The following PTPN13 variants were observed in gnomAD, a reference collection of about 807,000 sequenced individuals.
PTPN13 encodes protein tyrosine phosphatase non-receptor type 13, also known as tyrosine-protein phosphatase non-receptor type 13.
Under a neutral mutation model 284.0 loss-of-function variants are expected in PTPN13, and 191 were observed. The observed-to-expected ratio is 0.67, with a 90% CI of 0.60 to 0.76. PTPN13 has a LOEUF of 0.76. Ranked by LOEUF, PTPN13 falls within the 30% of genes least tolerant of loss-of-function variation. The pLI, the probability that PTPN13 is intolerant of heterozygous loss-of-function variation, is 0.00. For missense variants in PTPN13, 2,797 were observed against 2,939.9 expected (o/e 0.95, Z 1.12); for synonymous variants, 986 against 1,022.3 (o/e 0.96, Z 0.68).
chr4:86,688,807 G>A (rs1398566272), intron 4 of PTPN13, among the ~76,000 whole-genome samples, 198 bp from the exon 5 acceptor site: 2 of 152,092 alleles, frequency 1.3e-5, no homozygotes, highest in East Asian at 1.9e-4. Context: ...GGAAGTATAA[G>A]TTAACTATCT....
chr4:86,779,129 T>C (rs941097209), intron 35 of PTPN13, among the ~76,000 whole-genome samples: 2 of 151,590 alleles, frequency 1.3e-5, no homozygotes, highest in Non-Finnish European at 2.9e-5. Flanking sequence ...TGAATTTTAA[T>C]AGGGTACATG....
chr4:86,636,629 C>T (rs542086021), intron 2 of PTPN13, among the ~76,000 whole-genome samples: 9 of 151,960 alleles, frequency 5.9e-5, no homozygotes, highest in Admixed American at 3.3e-4. Context: ...TTGAAACCAA[C>T]GAGAACAAAG....
intron 35 of PTPN13, among the ~76,000 whole-genome samples, chr4:86,776,550 A>T (rs1740668261): frequency 6.6e-6 from 1 of 152,186 alleles, no homozygotes; most frequent in Admixed American, 6.5e-5. Context: ...ATAAGAATAT[A>T]CAGATGCTCC....
chr4:86,677,476 A>G (rs898618083), intron 3 of PTPN13, among the ~76,000 whole-genome samples: 15 of 151,440 alleles, frequency 9.9e-5, no homozygotes, highest in Middle Eastern at 3.4e-3. Flanking sequence ...CACCACACCC[A>G]GCTAAGTTTT....
chr4:86,633,508 C>T (rs1322050929), intron 1 of PTPN13, among the ~76,000 whole-genome samples: 1 of 152,214 alleles, frequency 6.6e-6, no homozygotes, highest in African/African-American at 2.4e-5. Flanking sequence ...CACCTTTCCA[C>T]ATCCCTCCCA....
At chr4:86,705,555 CTA>C (rs1731665095) in intron 7 of PTPN13, among the ~76,000 whole-genome samples, 3 of 152,052 alleles carry the variant, frequency 2.0e-5, no homozygotes. Context: ...CTTTCTTAAA[CTA>C]TTTGTGTTTT....
At chr4:86,803,100 GTGTA>G (rs1379815179) in intron 42 of PTPN13, among the ~76,000 whole-genome samples, 3 of 150,732 alleles carry the variant, frequency 2.0e-5, no homozygotes, top group African/African-American at 7.3e-5. Flanking sequence ...GTGTGTGTGT[GTGTA>G]TAAAATAAAA....
intron 23 of PTPN13, among the ~76,000 whole-genome samples, chr4:86,760,838 T>C (rs1404837336): frequency 6.6e-6 from 1 of 152,084 alleles, no homozygotes; most frequent in Non-Finnish European, 1.5e-5. Context: ...TATGTAACTA[T>C]TCTGTAGTGT....
intron 40 of PTPN13, among the ~76,000 whole-genome samples, chr4:86,794,875 T>C (rs1743140445): frequency 6.6e-6 from 1 of 152,166 alleles, no homozygotes; most frequent in South Asian, 2.1e-4. Flanking sequence ...ATCCCTTGCT[T>C]ATGCCGTATA....
intron 16 of PTPN13, among the ~76,000 whole-genome samples, chr4:86,742,043 T>C (rs1439232492): frequency 6.6e-6 from 1 of 152,350 alleles, no homozygotes; most frequent in East Asian, 1.9e-4. Context: ...TGGCTGGTTA[T>C]ATGCTCAATT....
At chr4:86,636,130 C>T (rs1203562166) in intron 2 of PTPN13, among the ~76,000 whole-genome samples, 1 of 151,970 alleles carries the variant, frequency 6.6e-6, no homozygotes, top group East Asian at 1.9e-4. Context: ...GGAAGGCTCT[C>T]CTACACAAGC....
intron 2 of PTPN13, among the ~76,000 whole-genome samples, chr4:86,669,651 G>A (rs1416819081): frequency 1.3e-5 from 2 of 152,062 alleles, no homozygotes; most frequent in Non-Finnish European, 2.9e-5. Context: ...GCTGAGGAGG[G>A]GAGAGGGTCA....
chr4:86,597,702 T>C (rs1275115127), intron 1 of PTPN13, among the ~76,000 whole-genome samples: 1 of 152,202 alleles, frequency 6.6e-6, no homozygotes, highest in African/African-American at 2.4e-5. Flanking sequence ...CCAACCCTGT[T>C]CCCAAGAATG....
At chr4:86,785,112 A>G (rs2077444223) in intron 38 of PTPN13, 119 bp from the exon 39 acceptor site, 5 of 704,140 alleles carry the variant, frequency 7.1e-6, no homozygotes, top group African/African-American at 5.6e-5. Flanking sequence ...AGTCATTGCT[A>G]CTTTTAAAAT....
Position 86,717,035 on chromosome 4 carries a change from G to A in PTPN13, c.1303G>A (p.Glu435Lys), listed in dbSNP as rs975968279. The change falls in exon 9 of 48, where the codon GAA (glutamate) becomes AAA (lysine). Residue 435 changes from glutamate (E) to lysine (K), a missense_variant. By Grantham distance (56) the Glu-to-Lys change is moderately conservative (BLOSUM62 1). Transcript: ENST00000411767. ...TCATTCATAATTAGTGAGAAGAAGT[G>A]AAGCCTCAAAGAGGTTTGAATCCAG... ...ESDFRQVRRS[E>K]ASKRFESSSG... 1.8e-5 allele frequency: 29 copies of A among 1,611,572 alleles called. No homozygotes were observed. The highest frequency in any genetic ancestry group is 2.4e-5 in the Non-Finnish European group (28 of 1,178,516).
chr4:86,777,978 G>A (rs1249776591), intron 35 of PTPN13, among the ~76,000 whole-genome samples: 1 of 152,164 alleles, frequency 6.6e-6, no homozygotes, highest in East Asian at 1.9e-4. Context: ...AAAATTAGTA[G>A]AGCACTCTTC....
chr4:86,699,310 T>G (rs1440757491), intron 6 of PTPN13, among the ~76,000 whole-genome samples: 9 of 151,548 alleles, frequency 5.9e-5, no homozygotes, highest in Non-Finnish European at 1.2e-4. Context: ...GGCGTGAACC[T>G]GGGAGGCGGA....
At chr4:86,725,218 C>T (rs1734109388) in intron 10 of PTPN13, among the ~76,000 whole-genome samples, 1 of 149,810 alleles carries the variant, frequency 6.7e-6, no homozygotes, top group Admixed American at 6.7e-5. Context: ...AGTCTATCAT[C>T]GATGGACATT....
Position 86,769,975 on chromosome 4 carries a change from T to A in PTPN13, c.4696T>A (p.Ser1566Thr). The change falls in exon 29 of 48, where the codon TCT (serine) becomes ACT (threonine). Residue 1566 changes from serine (S) to threonine (T), a missense_variant. Coordinates refer to ENST00000411767, the MANE Select transcript of PTPN13 (RefSeq NM_080683.3). ...GAATGGAGCCTCTTTGAAAGGACTA[T>A]CTCAGCAGGTGAGCCCCTAGCATGT... ...KVNGASLKGL[S>T]QQEVISALRG... The A allele has an allele frequency of 6.2e-7, 1 of 1,613,904 alleles. No homozygotes were observed. Among genetic ancestry groups the A allele is most frequent in the Non-Finnish European group, 8.5e-7 (1 of 1,179,846 alleles).
Sources: gnomAD v4.1 joint callset for allele counts (sites outside exome capture counted in the v4.1 genomes callset) on GRCh38, gnomAD v4.1.1 for gene constraint, MANE v1.5 for transcripts, NCBI Gene and HGNC (gene_info 2026-07-23, HGNC 2026-07-21) for gene names.